The following HCN1 variants were observed in gnomAD, a reference collection of about 807,000 sequenced individuals.
HCN1 encodes hyperpolarization activated cyclic nucleotide gated potassium channel 1.
In HCN1, 13 loss-of-function variants were observed where a neutral mutation model predicts 78.9. The ratio of observed to expected loss-of-function variants is 0.16; its 90% CI spans 0.11 to 0.26. The LOEUF is 0.26. Ranked by LOEUF, HCN1 falls within the 10% of genes least tolerant of loss-of-function variation. The pLI is 1.00. For missense variants in HCN1, 810 were observed against 1,154.3 expected (o/e 0.70, Z 4.32); for synonymous variants, 552 against 455.5 (o/e 1.21, Z -2.70).
At chr5:45,580,645 G>A (rs372727832) in intron 2 of HCN1, among the ~76,000 whole-genome samples, 10 of 151,900 alleles carry the variant, frequency 6.6e-5, no homozygotes, top group East Asian at 1.9e-4. Context: ...CCATTAACTC[G>A]TCATTTAATA....
chr5:45,372,475 TATATAAAA>T lies in HCN1; in HGVS notation c.1231-19237_1231-19230del. Among the ~76,000 whole-genome samples, 17 of 125,478 alleles carry T rather than the reference TATATAAAA, an allele frequency of 1.4e-4. No homozygotes were observed. The South Asian group carries it at 4.1e-3, about 30-fold the overall frequency. 82.3% of individuals were successfully genotyped at this position (125,478 alleles called of 152,430 possible). ...TATATAAAACATTTACATATAAAAATATATAAAACATTTACATATAAAAATATATAAAA... is the reference window on the plus strand; with the variant it reads ...TATATAAAACATTTACATATAAAAATCATTTACATATAAAAATATATAAAA... On this transcript the variant is annotated intron_variant, in intron 4 of 7. Transcript: ENST00000303230.
At position 45,381,626 on chromosome 5, in the gene HCN1, C is replaced by T. The variant is rs999554118; in HGVS notation, c.1230+14866G>A. Among the ~76,000 whole-genome samples, 11 of 152,220 alleles carry T rather than the reference C, an allele frequency of 7.2e-5. 2 individuals are homozygous for T. The highest frequency in any genetic ancestry group is 6.5e-4 in the Admixed American group (10 of 15,274). On this transcript the variant is annotated intron_variant, in intron 4 of 7. Transcript: ENST00000303230. ...CTAAAGAGACATTTTCCAGATTCAT[C>T]ACCTGCCTATAATCCTCTCACATCT...
At chr5:45,635,866 CAAAAAGT>C (rs1745348410) in intron 2 of HCN1, among the ~76,000 whole-genome samples, 1 of 152,050 alleles carries the variant, frequency 6.6e-6, no homozygotes, top group African/African-American at 2.4e-5. Flanking sequence ...TGATATACTT[CAAAAAGT>C]ATGTTTATAT....
chr5:45,542,444 A>G (rs1743123361), intron 2 of HCN1, among the ~76,000 whole-genome samples: 1 of 151,886 alleles, frequency 6.6e-6, no homozygotes, highest in African/African-American at 2.4e-5. Context: ...CTTCTTACAT[A>G]TCTGTTAACA....
intron 3 of HCN1, among the ~76,000 whole-genome samples, chr5:45,406,399 A>G (rs1739924306): frequency 6.6e-6 from 1 of 152,222 alleles, no homozygotes; most frequent in African/African-American, 2.4e-5. Flanking sequence ...ATTTACTGCA[A>G]GGTACTATTA....
chr5:45,681,826 C>T (rs1368883149), intron 1 of HCN1, among the ~76,000 whole-genome samples: 1 of 152,032 alleles, frequency 6.6e-6, no homozygotes, highest in African/African-American at 2.4e-5. Context: ...TTGATTAAGA[C>T]AGCACTGATT....
intron 3 of HCN1, among the ~76,000 whole-genome samples, chr5:45,424,099 C>A (rs1426096047): frequency 1.4e-5 from 2 of 144,476 alleles, no homozygotes; most frequent in Non-Finnish European, 1.5e-5. Context: ...CATGGTGAAA[C>A]CCCATCTCTA....
At chr5:45,324,015 A>G (rs1203816756) in intron 5 of HCN1, among the ~76,000 whole-genome samples, 1 of 152,002 alleles carries the variant, frequency 6.6e-6, no homozygotes, top group Non-Finnish European at 1.5e-5. Flanking sequence ...GTGCCGCAAT[A>G]AACATACGTG....
At chr5:45,317,828 T>C (rs919167787) in intron 5 of HCN1, among the ~76,000 whole-genome samples, 2 of 152,160 alleles carry the variant, frequency 1.3e-5, no homozygotes, top group Non-Finnish European at 2.9e-5. Context: ...TCATCATCAC[T>C]GGCCATCAGA....
At chr5:45,383,181 T>C (rs993319915) in intron 4 of HCN1, among the ~76,000 whole-genome samples, 2 of 152,212 alleles carry the variant, frequency 1.3e-5, no homozygotes, top group Non-Finnish European at 2.9e-5. Flanking sequence ...CTATCGTCTA[T>C]GCATTTTCTA....
At chr5:45,691,150 AC>A (rs1445466318) in intron 1 of HCN1, among the ~76,000 whole-genome samples, 1 of 152,046 alleles carries the variant, frequency 6.6e-6, no homozygotes, top group African/African-American at 2.4e-5. Flanking sequence ...TCTTAAATGA[AC>A]CTATGATACA....
intron 6 of HCN1, among the ~76,000 whole-genome samples, chr5:45,277,336 G>A (rs1443489074): frequency 6.6e-6 from 1 of 151,964 alleles, no homozygotes; most frequent in Non-Finnish European, 1.5e-5. Context: ...AATAATTTTG[G>A]GGAATTGATT....
intron 1 of HCN1, among the ~76,000 whole-genome samples, chr5:45,664,921 C>A (rs958408021): frequency 6.6e-6 from 1 of 151,884 alleles, no homozygotes; most frequent in Non-Finnish European, 1.5e-5. Context: ...ACTAGAAATA[C>A]CATTTGACCC....
At chr5:45,346,816 G>T (rs999785963) in intron 5 of HCN1, among the ~76,000 whole-genome samples, 1 of 152,220 alleles carries the variant, frequency 6.6e-6, no homozygotes, top group Admixed American at 6.5e-5. Flanking sequence ...TGCGGGAGGG[G>T]CACCCTCCAT....
At chr5:45,497,057 G>A (rs1055258314) in intron 2 of HCN1, among the ~76,000 whole-genome samples, 11 of 152,138 alleles carry the variant, frequency 7.2e-5, no homozygotes, top group African/African-American at 2.7e-4. Flanking sequence ...ATTGCACTGT[G>A]GTCTGAGAGA....
At chr5:45,623,327 G>C (rs1352028748) in intron 2 of HCN1, among the ~76,000 whole-genome samples, 1 of 152,098 alleles carries the variant, frequency 6.6e-6, no homozygotes, top group Non-Finnish European at 1.5e-5. Flanking sequence ...ATGCAATCCT[G>C]CCTGCCACTA....
At chr5:45,375,279 A>C (rs1461688954) in intron 4 of HCN1, among the ~76,000 whole-genome samples, 1 of 118,872 alleles carries the variant, frequency 8.4e-6, no homozygotes, top group Non-Finnish European at 1.6e-5. Flanking sequence ...TATATAATAT[A>C]TTATACATAA....
intron 1 of HCN1, among the ~76,000 whole-genome samples, chr5:45,687,957 G>A (rs1165697352): frequency 6.6e-6 from 1 of 152,100 alleles, no homozygotes; most frequent in Non-Finnish European, 1.5e-5. Flanking sequence ...ATTCACTAAG[G>A]AAACCCTTAT....
intron 2 of HCN1, among the ~76,000 whole-genome samples, chr5:45,483,331 C>T (rs1579922443): frequency 6.6e-6 from 1 of 152,072 alleles, no homozygotes; most frequent in East Asian, 1.9e-4. Context: ...ACACAGTATT[C>T]TGAGTGGTAT....
Sources: allele counts gnomAD v4.1 joint callset (sites outside exome capture counted in the v4.1 genomes callset), GRCh38; gene constraint gnomAD v4.1.1; transcripts MANE v1.5; gene names NCBI Gene and HGNC (gene_info 2026-07-23, HGNC 2026-07-21).